Variants in KLHL1 observed in about 807,000 individuals in gnomAD.
KLHL1 encodes the protein kelch like family member 1.
Under a neutral mutation model 77.7 loss-of-function variants are expected in KLHL1, and 47 were observed. The ratio of observed to expected loss-of-function variants is 0.60; its 90% CI spans 0.48 to 0.77. KLHL1 has a LOEUF of 0.77. Among genes scored for constraint, KLHL1 ranks in the 30% least tolerant of loss-of-function variants. The pLI is 0.00. For synonymous variants in KLHL1, 360 were observed against 325.2 expected (o/e 1.11, Z -1.15); for missense variants, 925 against 910.8 (o/e 1.02, Z -0.20).
At chr13:69,844,908 G>T (rs953150410) in intron 5 of KLHL1, among the ~76,000 whole-genome samples, 1 of 151,218 alleles carries the variant, frequency 6.6e-6, no homozygotes, top group African/African-American at 2.4e-5. Flanking sequence ...ATGCTTCTTT[G>T]TTCCTATGTC....
At chr13:69,916,364 G>A (rs966025031) in intron 4 of KLHL1, among the ~76,000 whole-genome samples, 2 of 151,980 alleles carry the variant, frequency 1.3e-5, no homozygotes, top group Non-Finnish European at 2.9e-5. Flanking sequence ...TGATAGACTG[G>A]ATCAAGAAAA....
In KLHL1 at chr13:69,790,787, C is replaced by A. The variant is rs190149267; in HGVS notation, c.1639+5951G>T. On this transcript the variant is annotated intron_variant, in intron 7 of 10. Coordinates refer to ENST00000377844, the MANE Select transcript of KLHL1 (RefSeq NM_020866.3). ...ACTAGGGGCCAGGCAAGGTGGCTCA[C>A]GCTTGTAATCCCAGCACTTTGGGAG... is the stretch of plus-strand genomic sequence containing the variant. 3.9e-5 allele frequency among the ~76,000 whole-genome samples: 6 copies of A among 152,108 alleles called. No homozygotes were observed. In the South Asian group the frequency reaches 1.0e-3, roughly 26 times the overall value.
chr13:70,079,716 A>ATATT (rs1887349236), intron 1 of KLHL1, among the ~76,000 whole-genome samples: 1 of 152,178 alleles, frequency 6.6e-6, no homozygotes, highest in Non-Finnish European at 1.5e-5. Flanking sequence ...CTTTAAAACA[A>ATATT]CCCAGTGAAC....
intron 1 of KLHL1, among the ~76,000 whole-genome samples, chr13:69,981,628 T>A (rs1358274991): frequency 1.3e-5 from 2 of 152,070 alleles, no homozygotes; most frequent in African/African-American, 4.8e-5. Flanking sequence ...TAGAGTTATA[T>A]GTATTTTAAT....
chr13:69,921,097 A>G (rs1376502296), intron 4 of KLHL1, among the ~76,000 whole-genome samples: 1 of 152,200 alleles, frequency 6.6e-6, no homozygotes, highest in Non-Finnish European at 1.5e-5. Flanking sequence ...TTTCCAGAAT[A>G]AAATTTGACC....
At chr13:69,960,110 C>CTTTTTT (rs58284665) in intron 3 of KLHL1, among the ~76,000 whole-genome samples, 3 of 124,236 alleles carry the variant, frequency 2.4e-5, no homozygotes, top group African/African-American at 3.1e-5. Flanking sequence ...AGCATGTGTA[C>CTTTTTT]TTTTTTTTTT....
intron 7 of KLHL1, among the ~76,000 whole-genome samples, chr13:69,780,690 ATATATATATATGTATATATATATATG>A (rs201557969): frequency 0.22 from 2,259 of 10,044 alleles, 176 homozygotes; most frequent in African/African-American, 0.32. Context: ...TTCTTCATAT[ATATATATATATGTATATATATATATG>A]TATATATATA....
At chr13:70,084,464 CTTTTT>C (rs1266369112) in intron 1 of KLHL1, among the ~76,000 whole-genome samples, 1 of 129,042 alleles carries the variant, frequency 7.7e-6, no homozygotes, top group Admixed American at 8.6e-5. Context: ...TCTTCTTCTT[CTTTTT>C]TTTTTTTTGA....
chr13:69,722,831 G>A (rs1219023037), intron 8 of KLHL1, among the ~76,000 whole-genome samples: 2 of 151,824 alleles, frequency 1.3e-5, no homozygotes, highest in Admixed American at 6.6e-5. Context: ...TATATTCAAA[G>A]GAAATGAAAC....
intron 1 of KLHL1, among the ~76,000 whole-genome samples, chr13:70,053,278 G>T (rs1886672330): frequency 6.6e-6 from 1 of 152,026 alleles, no homozygotes; most frequent in South Asian, 2.1e-4. Flanking sequence ...AGATTTGAGG[G>T]AATCTTAAAT....
In KLHL1 at chr13:69,904,279, T is replaced by C. The variant is rs954578147; in HGVS notation, c.1015-21784A>G. 4.6e-5 allele frequency among the ~76,000 whole-genome samples: 7 copies of C among 152,284 alleles called. No individual in the cohort carries two copies. The South Asian group carries it at 1.4e-3, about 32-fold the overall frequency. On this transcript the variant is annotated intron_variant, in intron 4 of 10. Transcript: ENST00000377844. The stretch of plus-strand genomic sequence containing the variant: ...ATTTTATGAGTCTCAACCAGTGTAT[T>C]ATTTGGTACAGCTGAAGTTATCATT...
intron 1 of KLHL1, among the ~76,000 whole-genome samples, chr13:69,990,988 A>C (rs149588072): frequency 5.3e-5 from 8 of 152,120 alleles, no homozygotes; most frequent in African/African-American, 1.7e-4. Context: ...ATAGAAATGA[A>C]GGTCAAGAAA....
rs184761890 is a variant in KLHL1, at chr13:69,871,185, T to C, written c.1227+11098A>G. On this transcript the variant is annotated intron_variant, in intron 5 of 10. Transcript: ENST00000377844. ...CTGCAAAGGCTTACCACTTGTGCCC[T>C]CCGGAACAATGGCCTAAGCAGTACC... Among the ~76,000 whole-genome samples, 237 of 152,192 alleles carry C rather than the reference T, an allele frequency of 1.6e-3. 1 individual carries two copies. Among genetic ancestry groups the C allele is most frequent in the African/African-American group, 5.3e-3 (219 of 41,552 alleles).
rs548572698 is a variant in KLHL1, at chr13:70,002,332, C to T, written c.498-26530G>A. Among the ~76,000 whole-genome samples the T allele has an allele frequency of 3.3e-5, 5 of 151,422 alleles. No homozygotes were observed. In the South Asian group the frequency reaches 1.0e-3, roughly 32 times the overall value. Reference sequence around the variant, plus strand: ...TCAATAATTTAGAGATAATTAGAATCTTAATGTATGAATAGATTAGGAAAA... The same window carrying T: ...TCAATAATTTAGAGATAATTAGAATTTTAATGTATGAATAGATTAGGAAAA... On this transcript the variant is annotated intron_variant, in intron 1 of 10. Coordinates refer to ENST00000377844, the MANE Select transcript of KLHL1 (RefSeq NM_020866.3).
intron 1 of KLHL1, among the ~76,000 whole-genome samples, chr13:70,086,590 A>AAAAAGAAAGAAAGAAAG (rs1403142406): frequency 2.3e-5 from 2 of 85,750 alleles, no homozygotes; most frequent in African/African-American, 9.6e-5. Context: ...AAAAAAAAAA[A>AAAAAGAAAGAAAGAAAG]AAAGAAAGAA....
intron 4 of KLHL1, among the ~76,000 whole-genome samples, chr13:69,892,428 T>C (rs927914954): frequency 1.3e-5 from 2 of 152,138 alleles, no homozygotes; most frequent in African/African-American, 4.8e-5. Context: ...ACAACCTTAC[T>C]AGAAAAAGAA....
chr13:69,944,673 T>C (rs1428023321), intron 3 of KLHL1, among the ~76,000 whole-genome samples: 1 of 152,164 alleles, frequency 6.6e-6, no homozygotes, highest in African/African-American at 2.4e-5. Context: ...TACAATAACA[T>C]TTAGAATCCC....
At chr13:70,061,858 T>C (rs1232057678) in intron 1 of KLHL1, among the ~76,000 whole-genome samples, 1 of 152,186 alleles carries the variant, frequency 6.6e-6, no homozygotes, top group Non-Finnish European at 1.5e-5. Flanking sequence ...GAGAGTGATG[T>C]TTTGATATAC....
Position 69,719,407 on chromosome 13 carries a change from A to G in KLHL1, c.1977T>C (p.Ala659=). ...CCAGTAGCCGGGAACAGTGATTTGA[A>G]GCAGGAGCATCATGACCTCCTACTG... ...LYAVGGHDAP[A]SNHCSRLLDY... The change falls in exon 9 of 11, where the codon GCT becomes GCC. Residue 659 remains alanine (A), a synonymous_variant. Coordinates refer to ENST00000377844, the MANE Select transcript of KLHL1 (RefSeq NM_020866.3). The G allele has an allele frequency of 6.2e-7, 1 of 1,613,574 alleles. No homozygotes were observed. Among genetic ancestry groups the G allele is most frequent in the Non-Finnish European group, 8.5e-7 (1 of 1,179,724 alleles).
Sources: gnomAD v4.1 joint callset for allele counts (sites outside exome capture counted in the v4.1 genomes callset) on GRCh38, gnomAD v4.1.1 for gene constraint, MANE v1.5 for transcripts, NCBI Gene and HGNC (gene_info 2026-07-23, HGNC 2026-07-21) for gene names.